TMEM132D: variants seen among roughly 807,000 people sequenced by gnomAD.
TMEM132D encodes mature OL transmembrane protein.
TMEM132D carries 21 observed loss-of-function variants against 62.3 expected under a neutral mutation model. The observed-to-expected ratio is 0.34, with a 90% CI of 0.24 to 0.49. The LOEUF (loss-of-function observed/expected upper bound fraction) is 0.49. Ranked by LOEUF, TMEM132D falls within the 20% of genes least tolerant of loss-of-function variation. TMEM132D has a pLI of 0.99. For missense variants in TMEM132D, 1,346 were observed against 1,402.8 expected, an observed-to-expected ratio of 0.96 and a Z score of 0.65; for synonymous variants, 621 against 575.6, an observed-to-expected ratio of 1.08 and a Z score of -1.13.
chr12:129,703,461 CTTTCT>C (rs1034160082), intron 1 of TMEM132D, among the ~76,000 whole-genome samples: 9 of 28,888 alleles, frequency 3.1e-4, no homozygotes, highest in East Asian at 2.8e-3. Flanking sequence ...GTGTCACTTC[CTTTCT>C]TTTTTTTTTT....
At chr12:129,465,015 T>C (rs2137042428) in intron 3 of TMEM132D, among the ~76,000 whole-genome samples, 1 of 140,256 alleles carries the variant, frequency 7.1e-6, no homozygotes, top group Non-Finnish European at 1.6e-5. Context: ...GAAGAAGGCA[T>C]TGGTAGCTTG....
At position 129,779,231 on chromosome 12, in the gene TMEM132D, C is replaced by T. The variant is rs1465976607; in HGVS notation, c.80-78533G>A. On this transcript the variant is annotated intron_variant, in intron 1 of 8. Coordinates refer to ENST00000422113, the MANE Select transcript of TMEM132D (RefSeq NM_133448.3). The surrounding 1 kb of genome is among the most constrained non-coding windows in gnomAD (Gnocchi z 4.1). Reference sequence around the variant, plus strand: ...TTTAACATGCAGAGTAGAACGGCTACACCCAGCTACAAGCAGTACCAGGAA... The same window carrying T: ...TTTAACATGCAGAGTAGAACGGCTATACCCAGCTACAAGCAGTACCAGGAA... 6.6e-6 allele frequency among the ~76,000 whole-genome samples: 1 copy of T among 152,232 alleles called. No homozygotes were observed.
intron 3 of TMEM132D, among the ~76,000 whole-genome samples, chr12:129,425,739 C>T (rs1033716957): frequency 6.6e-6 from 1 of 152,098 alleles, no homozygotes; most frequent in African/African-American, 2.4e-5. Context: ...TTTCTAAGAG[C>T]AGGTTTCTAC....
intron 2 of TMEM132D, among the ~76,000 whole-genome samples, chr12:129,647,079 G>A (rs1003210512): frequency 6.7e-6 from 1 of 150,124 alleles, no homozygotes; most frequent in African/African-American, 2.5e-5. Context: ...AGATTACAGG[G>A]GTGAGCCACT....
intron 3 of TMEM132D, among the ~76,000 whole-genome samples, chr12:129,384,832 A>C (rs1871059602): frequency 6.6e-6 from 1 of 152,200 alleles, no homozygotes; most frequent in African/African-American, 2.4e-5. Context: ...ACATGCTTCC[A>C]TGTCAAAATC....
chr12:129,131,843 C>T (rs1353800580), intron 5 of TMEM132D, among the ~76,000 whole-genome samples: 2 of 152,136 alleles, frequency 1.3e-5, no homozygotes, highest in Admixed American at 6.5e-5. Context: ...TGAAAGCATA[C>T]AATATGTGCT....
chr12:129,201,318 C>T (rs1878698023), intron 5 of TMEM132D, among the ~76,000 whole-genome samples: 1 of 152,140 alleles, frequency 6.6e-6, no homozygotes, highest in Admixed American at 6.5e-5. Context: ...GAGTGGCTCT[C>T]CCACCAGCTG....
At chr12:129,396,551 T>C (rs11837429) in intron 3 of TMEM132D, among the ~76,000 whole-genome samples, 12,130 of 152,260 alleles carry the variant, frequency 0.08, 1,145 homozygotes, top group African/African-American at 0.24. Flanking sequence ...GTTGTCTACG[T>C]GGACAAGGTC....
chr12:129,174,557 ATAG>A (rs759409746), intron 5 of TMEM132D, among the ~76,000 whole-genome samples: 4 of 152,148 alleles, frequency 2.6e-5, no homozygotes, highest in Non-Finnish European at 5.9e-5. Context: ...ATGTGTCTTT[ATAG>A]TAAAATGATT....
chr12:129,671,151 C>T (rs264496), intron 2 of TMEM132D, among the ~76,000 whole-genome samples: 114,862 of 152,108 alleles, frequency 0.76, 43,767 homozygotes, highest in East Asian at 0.83. Flanking sequence ...ATAATATTCC[C>T]TGCAAGGAAA....
intron 4 of TMEM132D, among the ~76,000 whole-genome samples, chr12:129,308,856 A>G (rs1881904712): frequency 2.0e-5 from 3 of 152,236 alleles, no homozygotes; most frequent in Admixed American, 2.0e-4. Flanking sequence ...TGCCTGGAAG[A>G]GGTAAATAGT....
At chr12:129,628,536 C>T (rs2137165155) in intron 2 of TMEM132D, among the ~76,000 whole-genome samples, 1 of 152,326 alleles carries the variant, frequency 6.6e-6, no homozygotes, top group Admixed American at 6.5e-5. Context: ...AAACACAGAA[C>T]ACTACTATGT....
rs1874096856 is a variant in TMEM132D at position 129,867,508 on chromosome 12, G to A, written c.79+35753C>T. 6.6e-6 allele frequency among the ~76,000 whole-genome samples: 1 copy of A among 152,212 alleles called. No individual in the cohort carries two copies. Among genetic ancestry groups the A allele is most frequent in the African/African-American group, 2.4e-5 (1 of 41,466 alleles). On this transcript the variant is annotated intron_variant, in intron 1 of 8. Transcript: ENST00000422113. This position sits in a 1 kb window ranked among gnomAD's most constrained non-coding sequence, Gnocchi z 4.5. ...ACCTTCTATTATGCCAGATGAGCAA[G>A]TTCTAGAGTTCGAATGAACCGCAGA...
At chr12:129,600,618 T>C (rs1023272236) in intron 2 of TMEM132D, among the ~76,000 whole-genome samples, 4 of 152,248 alleles carry the variant, frequency 2.6e-5, no homozygotes, top group Non-Finnish European at 5.9e-5. Flanking sequence ...ATCCATGGGT[T>C]GCAGAATGAA....
At chr12:129,428,459 A>G (rs936245539) in intron 3 of TMEM132D, among the ~76,000 whole-genome samples, 2 of 152,216 alleles carry the variant, frequency 1.3e-5, no homozygotes, top group East Asian at 1.9e-4. Context: ...CTTTGTGTCT[A>G]ATGTGACACA....
At chr12:129,227,740 C>T (rs1341732511) in intron 4 of TMEM132D, among the ~76,000 whole-genome samples, 2 of 151,842 alleles carry the variant, frequency 1.3e-5, no homozygotes, top group African/African-American at 4.8e-5. Context: ...TAATGCTATC[C>T]CTCCCCACTA....
chr12:129,199,740 C>A (rs551362182), intron 5 of TMEM132D, among the ~76,000 whole-genome samples: 1 of 152,114 alleles, frequency 6.6e-6, no homozygotes, highest in Non-Finnish European at 1.5e-5. Context: ...AGCAAGAGAG[C>A]TTGTGCAGGG....
At chr12:129,692,080 G>A (rs1017887544) in intron 2 of TMEM132D, among the ~76,000 whole-genome samples, 1 of 151,940 alleles carries the variant, frequency 6.6e-6, no homozygotes, top group Non-Finnish European at 1.5e-5. Context: ...CAGAAGCAGA[G>A]GGAAGATGTT....
intron 6 of TMEM132D, among the ~76,000 whole-genome samples, chr12:129,083,974 C>T (rs1470637022): frequency 6.6e-6 from 1 of 152,204 alleles, no homozygotes; most frequent in East Asian, 1.9e-4. Context: ...CTCAGAGCTT[C>T]TGGACTGGAG....
Sources: allele counts gnomAD v4.1 joint callset (sites outside exome capture counted in the v4.1 genomes callset), GRCh38; gene constraint gnomAD v4.1.1; non-coding constraint Gnocchi (gnomAD v3.1); transcripts MANE v1.5; gene names NCBI Gene and HGNC (gene_info 2026-07-23, HGNC 2026-07-21).